Variants in ARHGEF28 observed in about 807,000 individuals in gnomAD.
ARHGEF28 encodes Rho guanine nucleotide exchange factor 28.
Under a neutral mutation model 206.6 loss-of-function variants are expected in ARHGEF28, and 152 were observed. The ratio of observed to expected loss-of-function variants is 0.74; its 90% CI spans 0.64 to 0.84. The LOEUF (loss-of-function observed/expected upper bound fraction) is 0.84, where lower values mean the gene tolerates loss of function less well. Ranked by LOEUF, ARHGEF28 falls within the 40% of genes least tolerant of loss-of-function variation. The pLI is 0.00. For synonymous variants in ARHGEF28, 763 were observed against 776.4 expected (o/e 0.98, Z 0.29); for missense variants, 2,028 against 2,073.2 (o/e 0.98, Z 0.42).
At chr5:73,631,543 A>G (rs1743365166) in intron 1 of ARHGEF28, among the ~76,000 whole-genome samples, 1 of 152,134 alleles carries the variant, frequency 6.6e-6, no homozygotes, top group Admixed American at 6.6e-5. Flanking sequence ...ACCTGGCATC[A>G]TTTTCTAAAG....
At chr5:73,889,379 T>G (rs1174434669) in intron 26 of ARHGEF28, among the ~76,000 whole-genome samples, 1 of 152,218 alleles carries the variant, frequency 6.6e-6, no homozygotes. Flanking sequence ...TTGTTTTTGT[T>G]TTTATAAAGG....
chr5:73,708,984 G>A (rs767358045), intron 2 of ARHGEF28, among the ~76,000 whole-genome samples: 2 of 152,024 alleles, frequency 1.3e-5, no homozygotes, highest in Admixed American at 6.5e-5. Context: ...CCACTTGTCT[G>A]TCTTCTTTTG....
intron 15 of ARHGEF28, 146 bp from the exon 16 acceptor site, chr5:73,857,941 T>C: frequency 7.3e-7 from 1 of 1,366,920 alleles, no homozygotes. Flanking sequence ...CATTTAGGTG[T>C]TATGGTGTCC....
chr5:73,749,708 C>G lies in ARHGEF28; in HGVS notation c.34-129C>G, dbSNP rs374646073. The G allele has an allele frequency of 1.3e-5, 12 of 922,436 alleles. 1 individual carries two copies. The highest frequency in any genetic ancestry group is 9.9e-5 in the African/African-American group (6 of 60,338). The allele number at this position is 922,436 out of a possible 1,614,324, so 57.1% of individuals were successfully genotyped here. A position where few individuals can be genotyped will look rare whatever the true frequency, so the allele number is the denominator to read the frequency against. The stretch of plus-strand genomic sequence containing the variant: ...TTGTTGTTGGAAGGAAGCACTCATG[C>G]TATTTGAACTCAACCACATGAAGTG... On this transcript the variant is annotated intron_variant, in intron 2 of 35. Transcript: ENST00000513042.
At position 73,886,122 on chromosome 5, in the gene ARHGEF28, G is replaced by A. The variant is rs771142591; in HGVS notation, c.3310+18G>A. 1.9e-5 allele frequency: 31 copies of A among 1,591,476 alleles called. No individual in the cohort carries two copies. The highest frequency in any genetic ancestry group is 2.6e-5 in the Non-Finnish European group (31 of 1,170,694). On this transcript the variant is annotated intron_variant, in intron 25 of 35. Coordinates refer to ENST00000513042, the MANE Select transcript of ARHGEF28 (RefSeq NM_001177693.2). ...TTTCAAAGGTACTGTGGCTCTACCA[G>A]ACCAATTTCTCCCTTCATACACATT...
intron 26 of ARHGEF28, 21 bp downstream of exon 26, chr5:73,887,700 T>C: frequency 6.6e-7 from 1 of 1,522,836 alleles, no homozygotes; most frequent in Non-Finnish European, 8.8e-7. Context: ...GACTGTGTGA[T>C]GTATTTAAAA....
At chr5:73,631,325 C>T (rs1743351659) in intron 1 of ARHGEF28, among the ~76,000 whole-genome samples, 1 of 152,150 alleles carries the variant, frequency 6.6e-6, no homozygotes, top group Non-Finnish European at 1.5e-5. Context: ...TACATTGTCA[C>T]TGGTTCTTTT....
intron 22 of ARHGEF28, among the ~76,000 whole-genome samples, chr5:73,880,300 G>C (rs1423452421): frequency 6.6e-6 from 1 of 152,206 alleles, no homozygotes; most frequent in Non-Finnish European, 1.5e-5. Context: ...ATTCTGGTGG[G>C]AGTGACCCAA....
chr5:73,689,092 C>T (rs772646680), intron 2 of ARHGEF28, among the ~76,000 whole-genome samples: 17 of 152,212 alleles, frequency 1.1e-4, no homozygotes, highest in East Asian at 9.6e-4. Context: ...TTTATGCCCA[C>T]GTAGTTTTAT....
intron 1 of ARHGEF28, among the ~76,000 whole-genome samples, chr5:73,628,238 C>T (rs1039916267): frequency 2.6e-5 from 4 of 151,846 alleles, no homozygotes; most frequent in Non-Finnish European, 5.9e-5. Context: ...TAGTATGCCC[C>T]GTGAGAAAAG....
Position 73,912,624 on chromosome 5 carries a change from C to T in ARHGEF28, c.4948+1049C>T, listed in dbSNP as rs879423959. On this transcript the variant is annotated intron_variant, in intron 35 of 35. Coordinates refer to ENST00000513042, the MANE Select transcript of ARHGEF28 (RefSeq NM_001177693.2). ...AGTCACCGTGGTAACATTCTTCTTT[C>T]TTGTCAGCATATAGGAGAGAATGAA... 3.9e-5 allele frequency among the ~76,000 whole-genome samples: 6 copies of T among 152,212 alleles called. No individual in the cohort carries two copies. In the South Asian group the frequency reaches 6.2e-4, roughly 16 times the overall value.
At chr5:73,747,480 A>T (rs990024803) in intron 2 of ARHGEF28, among the ~76,000 whole-genome samples, 1 of 152,170 alleles carries the variant, frequency 6.6e-6, no homozygotes, top group African/African-American at 2.4e-5. Flanking sequence ...CTTTATCTAA[A>T]TCCGTCTCCT....
chr5:73,675,461 G>A (rs932500620), intron 1 of ARHGEF28, among the ~76,000 whole-genome samples: 3 of 152,042 alleles, frequency 2.0e-5, no homozygotes, highest in Non-Finnish European at 4.4e-5. Context: ...AGCCGGGTGT[G>A]GTGGCTCACG....
chr5:73,754,445 C>T (rs900420165), intron 4 of ARHGEF28, among the ~76,000 whole-genome samples: 5 of 151,952 alleles, frequency 3.3e-5, no homozygotes, highest in Admixed American at 1.3e-4. Context: ...ATACGTATGG[C>T]GTGGGCTCCC....
intron 11 of ARHGEF28, among the ~76,000 whole-genome samples, chr5:73,842,405 C>CCA (rs1758043981): frequency 1.3e-5 from 2 of 152,150 alleles, no homozygotes; most frequent in East Asian, 1.9e-4. Context: ...CTGAGATACA[C>CCA]CACAACATGC....
At position 73,846,267 on chromosome 5, in the gene ARHGEF28, G is replaced by C. The variant is rs1178072876; in HGVS notation, c.1428-1G>C. On this transcript the variant is annotated splice_acceptor_variant, in intron 11 of 35. Transcript: ENST00000513042. LOFTEE classifies it high-confidence loss of function. ...ACTTACTTGCTGGCTTTGTGCTTTA[G>C]TTCTAGCCTTGATGCCTTGGACGCC... 4.3e-6 allele frequency: 7 copies of C among 1,612,616 alleles called. No individual in the cohort carries two copies. The highest frequency in any genetic ancestry group is 5.9e-6 in the Non-Finnish European group (7 of 1,179,558).
At chr5:73,721,949 G>A (rs1749977266) in intron 2 of ARHGEF28, among the ~76,000 whole-genome samples, 1 of 152,162 alleles carries the variant, frequency 6.6e-6, no homozygotes, top group African/African-American at 2.4e-5. Flanking sequence ...TTTGTCATGA[G>A]CTCAGTGTTG....
At chr5:73,795,297 T>C (rs1261224936) in intron 8 of ARHGEF28, 34 bp from the exon 9 acceptor site, 2 of 1,600,708 alleles carry the variant, frequency 1.2e-6, no homozygotes, top group Non-Finnish European at 1.7e-6. Context: ...TATATGTAAT[T>C]TTTTAAAAAT....
chr5:73,682,969 C>G (rs1408313854), intron 1 of ARHGEF28, among the ~76,000 whole-genome samples: 2 of 152,124 alleles, frequency 1.3e-5, no homozygotes, highest in Non-Finnish European at 2.9e-5. Context: ...TTGCAGCCTG[C>G]TCCTCCATTT....
Sources: allele counts gnomAD v4.1 joint callset (sites outside exome capture counted in the v4.1 genomes callset), GRCh38; gene constraint gnomAD v4.1.1; transcripts MANE v1.5; gene names NCBI Gene and HGNC (gene_info 2026-07-23, HGNC 2026-07-21).